SSH1: variants seen among roughly 807,000 people sequenced by gnomAD.
SSH1 encodes slingshot protein phosphatase 1, also known as protein phosphatase Slingshot homolog 1.
Under a neutral mutation model 79.7 loss-of-function variants are expected in SSH1, and 43 were observed. The observed-to-expected ratio is 0.54, with a 90% CI of 0.42 to 0.70. SSH1 has a LOEUF of 0.70. SSH1 is among the 30% of genes least tolerant of loss of function. SSH1 has a pLI of 0.00. For synonymous variants in SSH1, 599 were observed against 538.3 expected (o/e 1.11, Z -1.56); for missense variants, 1,206 against 1,358.8 (o/e 0.89, Z 1.77).
chr12:108,789,919 C>T (rs1593001374), intron 14 of SSH1, among the ~76,000 whole-genome samples: 1 of 152,218 alleles, frequency 6.6e-6, no homozygotes, highest in East Asian at 1.9e-4. Context: ...GTCTCGAACT[C>T]CTGGGCTCAA....
In SSH1 at chr12:108,788,231, G is replaced by A; in HGVS notation, c.2907C>T (p.Val969=). The A allele has an allele frequency of 6.2e-7, 1 of 1,613,960 alleles. No homozygotes were observed. The highest frequency in any genetic ancestry group is 8.5e-7 in the Non-Finnish European group (1 of 1,180,028). The stretch of plus-strand genomic sequence containing the variant: ...AGTGTGAGCGCTTCAGTGGGGAAGA[G>A]ACGGTGAGGCCCGCCAGCCGGAGCC... ...ETRLRLAGLT[V]SSPLKRSHSL... The change falls in exon 15 of 15, where the codon GTC becomes GTT. Residue 969 remains valine, a synonymous_variant. Coordinates refer to ENST00000326495, the MANE Select transcript of SSH1 (RefSeq NM_018984.4).
chr12:108,830,152 A>G (rs2038438331), intron 2 of SSH1, among the ~76,000 whole-genome samples: 1 of 152,022 alleles, frequency 6.6e-6, no homozygotes, highest in African/African-American at 2.4e-5. Context: ...TAAAAACCTC[A>G]GAATCAAATA....
rs760170167 is a variant in SSH1 at position 108,789,128 on chromosome 12, G to T, written c.2010C>A (p.Asp670Glu). The T allele has an allele frequency of 5.0e-6, 8 of 1,613,796 alleles. No individual in the cohort carries two copies. Among genetic ancestry groups the T allele is most frequent in the Non-Finnish European group, 8.5e-7 (1 of 1,179,896 alleles). ...GGGTGCAGATGGCGGGAGCATTGGG[G>T]TCCTCACATCGCTCCCTGGAGGCCT... ...APEASRERCE[D>E]PNAPAICTQP... The change falls in exon 15 of 15, where the codon GAC (aspartate) becomes GAA (glutamate). Residue 670 changes from aspartate to glutamate, a missense_variant. Coordinates refer to ENST00000326495, the MANE Select transcript of SSH1 (RefSeq NM_018984.4).
In SSH1 at chr12:108,783,237, T is replaced by G. The variant is rs1260906568; in HGVS notation, c.*4751A>C. The stretch of plus-strand genomic sequence containing the variant: ...CCTGGCCTGCAGGAACCGCCAGTGT[T>G]GTTTCTAGCAAGGCTCCTTGGAATA... On this transcript the variant is annotated 3_prime_UTR_variant, in exon 15 of 15. Coordinates refer to ENST00000326495, the MANE Select transcript of SSH1 (RefSeq NM_018984.4). 6.6e-6 allele frequency: 1 copy of G among 152,272 alleles called. No homozygotes were observed. Among genetic ancestry groups the G allele is most frequent in the African/African-American group, 2.4e-5 (1 of 41,474 alleles). 9.4% of individuals were successfully genotyped at this position (152,272 alleles called of 1,614,324 possible).
At chr12:108,831,352 A>G (rs902736151) in intron 2 of SSH1, among the ~76,000 whole-genome samples, 1 of 152,242 alleles carries the variant, frequency 6.6e-6, no homozygotes, top group Non-Finnish European at 1.5e-5. Flanking sequence ...ATGGGTGCCA[A>G]CGAGCATTCC....
chr12:108,856,894 C>G (rs2039155166), intron 1 of SSH1, among the ~76,000 whole-genome samples: 1 of 152,246 alleles, frequency 6.6e-6, no homozygotes. Context: ...GGACCCTGGT[C>G]ACACTGCAGA....
At chr12:108,823,206 T>C (rs2038188609) in intron 3 of SSH1, 52 bp downstream of exon 3, 1 of 1,501,144 alleles carries the variant, frequency 6.7e-7, no homozygotes, top group Admixed American at 2.0e-5. Flanking sequence ...AAGTTTCCTC[T>C]GCTGTCCAGA....
Position 108,788,516 on chromosome 12 carries a change from G to A in SSH1, c.2622C>T (p.Pro874=). 2.6e-6 allele frequency: 4 copies of A among 1,560,842 alleles called. No individual in the cohort carries two copies. The highest frequency in any genetic ancestry group is 1.9e-5 in the Admixed American group (1 of 52,754). Reference sequence around the variant, plus strand: ...ACTTCTCATCACTCCCGGCCTGGCTGGGCATAACCAGGGGGCCCAGCTCGT... The same window carrying A: ...ACTTCTCATCACTCCCGGCCTGGCTAGGCATAACCAGGGGGCCCAGCTCGT... ...ALHELGPLVM[P]SQAGSDEKSE... The change falls in exon 15 of 15, where the codon CCC becomes CCT. Residue 874 remains proline (P), a synonymous_variant. Coordinates refer to ENST00000326495, the MANE Select transcript of SSH1 (RefSeq NM_018984.4).
intron 13 of SSH1, among the ~76,000 whole-genome samples, chr12:108,793,200 C>T (rs896925747): frequency 3.9e-5 from 6 of 152,152 alleles, no homozygotes; most frequent in African/African-American, 1.4e-4. Flanking sequence ...TAACAACGCT[C>T]TCCTACCTAT....
intron 1 of SSH1, 141 bp from the exon 2 acceptor site, chr12:108,852,819 T>C: frequency 3.2e-6 from 5 of 1,558,376 alleles, no homozygotes; most frequent in Non-Finnish European, 4.3e-6. Context: ...AGCCGTGCCC[T>C]TTCCTCACCA....
In SSH1 at chr12:108,783,956, G is replaced by T. The variant is rs2036199927; in HGVS notation, c.*4032C>A. On this transcript the variant is annotated 3_prime_UTR_variant, in exon 15 of 15. Transcript: ENST00000326495. ...GATCTACCCAGCTCTCTTGCCAGAG[G>T]TGAAGGGGGTCCCCTCGCTGAGTTG... The T allele has an allele frequency of 6.6e-6, 1 of 152,286 alleles. No homozygotes were observed. The highest frequency in any genetic ancestry group is 2.1e-4 in the South Asian group (1 of 4,834). The allele number at this position is 152,286 out of a possible 1,614,324, so 9.4% of individuals were successfully genotyped here.
intron 1 of SSH1, among the ~76,000 whole-genome samples, chr12:108,856,412 G>A (rs1195138302): frequency 2.0e-5 from 3 of 152,150 alleles, no homozygotes; most frequent in African/African-American, 4.8e-5. Context: ...GCCACACACA[G>A]ACCCACAAAA....
intron 14 of SSH1, among the ~76,000 whole-genome samples, chr12:108,789,985 C>T (rs1159330710): frequency 6.6e-6 from 1 of 151,976 alleles, no homozygotes; most frequent in Non-Finnish European, 1.5e-5. Flanking sequence ...TGAGCGACTA[C>T]ACCCCGCCAG....
chr12:108,792,960 G>A, intron 13 of SSH1, 131 bp from the exon 14 acceptor site: 1 of 1,054,694 alleles, frequency 9.5e-7, no homozygotes, highest in Non-Finnish European at 1.4e-6. Context: ...GGCTCATTCA[G>A]GTAAAGCCTC....
intron 13 of SSH1, among the ~76,000 whole-genome samples, chr12:108,795,642 G>T (rs1052399967): frequency 6.6e-6 from 1 of 151,922 alleles, no homozygotes; most frequent in South Asian, 2.1e-4. Flanking sequence ...GATCGATTGA[G>T]CCCAGGAGTT....
intron 2 of SSH1, among the ~76,000 whole-genome samples, chr12:108,851,996 C>T (rs1474072744): frequency 2.0e-5 from 3 of 151,880 alleles, no homozygotes; most frequent in Admixed American, 6.6e-5. Flanking sequence ...TGTCTTGAGG[C>T]CAGGAGTCCA....
chr12:108,824,756 T>A (rs931074737), intron 2 of SSH1, among the ~76,000 whole-genome samples: 3 of 152,168 alleles, frequency 2.0e-5, no homozygotes, highest in African/African-American at 4.8e-5. Flanking sequence ...CCGTCGTACA[T>A]CAAAAGTTTT....
intron 13 of SSH1, 140 bp downstream of exon 13, chr12:108,798,860 T>C: frequency 8.6e-6 from 8 of 929,586 alleles, no homozygotes; most frequent in Non-Finnish European, 1.4e-5. Context: ...TGGCTCCCCC[T>C]GAGAGGCAGG....
Position 108,835,232 on chromosome 12 carries a change from C to T in SSH1, c.111-11871G>A, listed in dbSNP as rs114323473. ...ATGCTAAGCACATCAGGTATGTTAA[C>T]TCATTTATTCCCCAGTGTCCATCTC... On this transcript the variant is annotated intron_variant, in intron 2 of 14. Transcript: ENST00000326495. Among the ~76,000 whole-genome samples the T allele has an allele frequency of 8.9e-3, 1,362 of 152,274 alleles. 22 individuals are homozygous for T. Among genetic ancestry groups the T allele is most frequent in the African/African-American group, 0.032 (1,312 of 41,552 alleles).
Sources: gnomAD v4.1 joint callset for allele counts (sites outside exome capture counted in the v4.1 genomes callset) on GRCh38, gnomAD v4.1.1 for gene constraint, MANE v1.5 for transcripts, NCBI Gene and HGNC (gene_info 2026-07-23, HGNC 2026-07-21) for gene names.